Variants in PGAP1 observed in about 807,000 individuals in gnomAD.
PGAP1 encodes the protein post-GPI attachment to proteins inositol deacylase 1, also known as GPI inositol-deacylase.
In PGAP1, 76 loss-of-function variants were observed where a neutral mutation model predicts 127.0. That is an observed-to-expected ratio of 0.60 (90% CI 0.50 to 0.72). PGAP1 has a LOEUF of 0.72. Ranked by LOEUF, PGAP1 falls within the 30% of genes least tolerant of loss-of-function variation. The pLI, the probability that PGAP1 is intolerant of heterozygous loss-of-function variation, is 0.00. For synonymous variants in PGAP1, 362 were observed against 366.5 expected, an observed-to-expected ratio of 0.99 and a Z score of 0.14; for missense variants, 982 against 1,071.3, an observed-to-expected ratio of 0.92 and a Z score of 1.16.
At chr2:196,922,349 G>A (rs1293742405) in intron 1 of PGAP1, 1 of 981,178 alleles carries the variant, frequency 1.0e-6, no homozygotes, top group Non-Finnish European at 1.2e-6. Flanking sequence ...AAAAGATTTT[G>A]ATCTAGATGA....
At chr2:196,847,881 T>C (rs1700604756) in intron 21 of PGAP1, 66 bp downstream of exon 21, 15 of 1,201,384 alleles carry the variant, frequency 1.2e-5, no homozygotes, top group Non-Finnish European at 1.7e-5. Flanking sequence ...TATTGCATTA[T>C]GGAACCAAAT....
chr2:196,856,075 A>G (rs111677518), intron 20 of PGAP1, among the ~76,000 whole-genome samples: 15,414 of 152,112 alleles, frequency 0.1, 933 homozygotes, highest in African/African-American at 0.17. Context: ...GTGCAGCGGC[A>G]TGATCTCGGC....
Position 196,837,545 on chromosome 2 carries a change from GA to G in PGAP1, c.*3688del, listed in dbSNP as rs1416505510. ...GGAGGCTGAGATGGGAGGATCACAT[GA>G]GCCAAAGAGTTCAAGGCTGCAGTGA... On this transcript the variant is annotated 3_prime_UTR_variant, in exon 27 of 27. Transcript: ENST00000354764. The G allele has an allele frequency of 2.6e-5, 4 of 152,190 alleles. No individual in the cohort carries two copies. Among genetic ancestry groups the G allele is most frequent in the Non-Finnish European group, 4.4e-5 (3 of 68,050 alleles). The allele number at this position is 152,190 out of a possible 1,614,324, so 9.4% of individuals were successfully genotyped here. A position where few individuals can be genotyped will look rare whatever the true frequency, so the allele number is the denominator to read the frequency against.
Position 196,926,526 on chromosome 2 carries a change from CGAA to C in PGAP1, c.88_90del (p.Phe30del). 6.2e-7 allele frequency: 1 copy of C among 1,614,138 alleles called. No homozygotes were observed. Among genetic ancestry groups the C allele is most frequent in the Admixed American group, 1.7e-5 (1 of 60,024 alleles). ...ATACTGCACTTATTCTCCTCGAAGC[CGAA>C]GAAGACATCCCACAGCCCCAGGGTT... is the stretch of plus-strand genomic sequence containing the variant. On this transcript the variant is annotated inframe_deletion, in exon 1 of 27. Transcript: ENST00000354764.
intron 22 of PGAP1, 81 bp from the exon 23 acceptor site, chr2:196,846,098 C>T (rs954171518): frequency 2.9e-5 from 23 of 785,384 alleles, no homozygotes; most frequent in Non-Finnish European, 4.1e-5. Flanking sequence ...CAATATAGTA[C>T]CCTCCCAGTC....
intron 20 of PGAP1, among the ~76,000 whole-genome samples, chr2:196,855,045 G>C (rs1290811048): frequency 1.3e-5 from 2 of 151,486 alleles, no homozygotes; most frequent in South Asian, 2.1e-4. Flanking sequence ...CATATCAGCA[G>C]GGCACGGTGG....
At chr2:196,884,929 C>T (rs1404807452) in intron 12 of PGAP1, among the ~76,000 whole-genome samples, 2 of 152,106 alleles carry the variant, frequency 1.3e-5, no homozygotes, top group African/African-American at 2.4e-5. Flanking sequence ...AATCAAATCA[C>T]AAACAACTAT....
intron 20 of PGAP1, among the ~76,000 whole-genome samples, chr2:196,864,523 G>T (rs969764566): frequency 6.6e-6 from 1 of 151,146 alleles, no homozygotes; most frequent in Non-Finnish European, 1.5e-5. Context: ...ATTATATGAA[G>T]ATAATTACAC....
intron 8 of PGAP1, among the ~76,000 whole-genome samples, chr2:196,892,624 A>T (rs541385330): frequency 4.6e-5 from 7 of 151,110 alleles, no homozygotes; most frequent in Admixed American, 4.0e-4. Context: ...GTGTCCTTTA[A>T]CTCTAAGGAA....
At chr2:196,875,534 G>A (rs1020008703) in intron 14 of PGAP1, among the ~76,000 whole-genome samples, 9 of 151,958 alleles carry the variant, frequency 5.9e-5, no homozygotes, top group African/African-American at 2.2e-4. Context: ...ATACACACAC[G>A]CAATTACCTG....
At chr2:196,851,041 T>C (rs1018564914) in intron 20 of PGAP1, among the ~76,000 whole-genome samples, 3 of 151,954 alleles carry the variant, frequency 2.0e-5, no homozygotes, top group Admixed American at 2.0e-4. Context: ...AAAGTTTTAT[T>C]TGATAAATTA....
At chr2:196,849,605 G>A (rs530995573) in intron 20 of PGAP1, among the ~76,000 whole-genome samples, 179 of 152,008 alleles carry the variant, frequency 1.2e-3, no homozygotes, top group African/African-American at 3.9e-3. Context: ...GGCTGGGTCT[G>A]GCACAGATCA....
intron 1 of PGAP1, chr2:196,922,527 C>G: frequency 1.0e-6 from 1 of 978,826 alleles, no homozygotes; most frequent in South Asian, 4.8e-5. Flanking sequence ...TCCTTGCCTT[C>G]GTCTCCCTTC....
At position 196,848,020 on chromosome 2, in the gene PGAP1, C is replaced by A; in HGVS notation, c.1879G>T (p.Ala627Ser). The A allele has an allele frequency of 6.3e-7, 1 of 1,599,912 alleles. No individual in the cohort carries two copies. Among genetic ancestry groups the A allele is most frequent in the Non-Finnish European group, 8.5e-7 (1 of 1,175,010 alleles). ...LFSTGCCLEY[A>S]TMLDKEAKPY... ...TTGGCTTCTTTATCCAACATGGTAG[C>A]ATATTCTAAGCAACAACCTGGTGAT... The change falls in exon 21 of 27, where the codon GCT (alanine) becomes TCT (serine). Residue 627 changes from alanine to serine, a missense_variant. Coordinates refer to ENST00000354764, the MANE Select transcript of PGAP1 (RefSeq NM_024989.4).
At chr2:196,863,877 A>G (rs1701150805) in intron 20 of PGAP1, among the ~76,000 whole-genome samples, 1 of 152,024 alleles carries the variant, frequency 6.6e-6, no homozygotes, top group Non-Finnish European at 1.5e-5. Context: ...GTGCCCTGCC[A>G]GGATGACTAT....
intron 19 of PGAP1, among the ~76,000 whole-genome samples, chr2:196,869,681 A>C (rs1701352420): frequency 6.6e-6 from 1 of 152,136 alleles, no homozygotes; most frequent in African/African-American, 2.4e-5. Flanking sequence ...CTATTTTCCA[A>C]CTTATACTAA....
At position 196,833,818 on chromosome 2, in the gene PGAP1, G is replaced by A. The variant is rs1417857982; in HGVS notation, c.*7416C>T. 1 of 151,828 alleles carries A rather than the reference G, an allele frequency of 6.6e-6. No individual in the cohort carries two copies. The highest frequency in any genetic ancestry group is 2.4e-5 in the African/African-American group (1 of 41,360). 9.4% of individuals were successfully genotyped at this position (151,828 alleles called of 1,614,324 possible). A position where few individuals can be genotyped will look rare whatever the true frequency, so the allele number is the denominator to read the frequency against. On this transcript the variant is annotated 3_prime_UTR_variant, in exon 27 of 27. Transcript: ENST00000354764. ...ATTATCCTGTGAATAAAATAATTTGGACCTTAATATAAATTATATCCATTA... is the reference window on the plus strand; with the variant it reads ...ATTATCCTGTGAATAAAATAATTTGAACCTTAATATAAATTATATCCATTA...
chr2:196,915,509 C>T (rs1269049888), intron 3 of PGAP1, among the ~76,000 whole-genome samples: 1 of 152,186 alleles, frequency 6.6e-6, no homozygotes, highest in Non-Finnish European at 1.5e-5. Context: ...TTCTTCCCTA[C>T]CTCAGTTAAT....
chr2:196,855,545 A>G (rs1410647559), intron 20 of PGAP1, among the ~76,000 whole-genome samples: 1 of 152,118 alleles, frequency 6.6e-6, no homozygotes, highest in Admixed American at 6.5e-5. Context: ...AATTAATTAC[A>G]TGAGATTGAC....
Sources: allele counts gnomAD v4.1 joint callset (sites outside exome capture counted in the v4.1 genomes callset), GRCh38; gene constraint gnomAD v4.1.1; transcripts MANE v1.5; gene names NCBI Gene and HGNC (gene_info 2026-07-23, HGNC 2026-07-21).